CAMTA1: variants seen among roughly 807,000 people sequenced by gnomAD.
The protein encoded by CAMTA1 is calmodulin binding transcription activator 1, also known as calmodulin-binding transcription activator 1.
A neutral mutation model predicts 170.9 loss-of-function variants in CAMTA1; 27 were observed. That is an observed-to-expected ratio of 0.16 (90% CI 0.12 to 0.22). The LOEUF (loss-of-function observed/expected upper bound fraction) is 0.22. CAMTA1 is among the 10% of genes least tolerant of loss of function. The pLI, the probability that CAMTA1 is intolerant of heterozygous loss-of-function variation, is 1.00. For synonymous variants in CAMTA1, 833 were observed against 891.5 expected (o/e 0.93, Z 1.17); for missense variants, 1,619 against 2,217.2 (o/e 0.73, Z 5.42).
At chr1:7,716,357 A>G (rs989368006) in intron 11 of CAMTA1, among the ~76,000 whole-genome samples, 3 of 152,178 alleles carry the variant, frequency 2.0e-5, no homozygotes, top group African/African-American at 7.2e-5. Context: ...TTTATCCATT[A>G]GGACCTATTT....
intron 6 of CAMTA1, among the ~76,000 whole-genome samples, chr1:7,589,041 T>C (rs1360192284): frequency 1.3e-5 from 2 of 152,216 alleles, no homozygotes; most frequent in Admixed American, 6.5e-5. Flanking sequence ...TTTTAACTGC[T>C]TCCATTAGCA....
chr1:6,896,327 C>T (rs970771962), intron 3 of CAMTA1, among the ~76,000 whole-genome samples: 5 of 152,132 alleles, frequency 3.3e-5, no homozygotes, highest in African/African-American at 9.7e-5. Flanking sequence ...TCACCAGTGG[C>T]GATCTGCCTC....
In CAMTA1 at chr1:7,570,336, T is replaced by C. The variant is rs981801607; in HGVS notation, c.511-70064T>C. ...ACTGTAGGTCAATTACACTGTAACC[T>C]GAATTGGGGCCCTTTCAGAGAGGGC... On this transcript the variant is annotated intron_variant, in intron 6 of 22. Transcript: ENST00000303635. The surrounding 1 kb of genome is among the most constrained non-coding windows in gnomAD (Gnocchi z 4.3). Among the ~76,000 whole-genome samples the C allele has an allele frequency of 6.6e-6, 1 of 152,202 alleles. No individual in the cohort carries two copies. Among genetic ancestry groups the C allele is most frequent in the African/African-American group, 2.4e-5 (1 of 41,440 alleles).
intron 1 of CAMTA1, among the ~76,000 whole-genome samples, chr1:6,788,057 T>C (rs1569748496): frequency 6.6e-6 from 1 of 152,170 alleles, no homozygotes; most frequent in African/African-American, 2.4e-5. Flanking sequence ...CCTCGACGCT[T>C]CATGAGAGGA....
intron 1 of CAMTA1, among the ~76,000 whole-genome samples, chr1:6,792,032 C>T (rs1641253069): frequency 6.6e-6 from 1 of 151,838 alleles, no homozygotes; most frequent in African/African-American, 2.4e-5. Flanking sequence ...CCGCTCCCTG[C>T]AACCTCCGCC....
At chr1:7,498,662 A>G (rs1189679167) in intron 6 of CAMTA1, among the ~76,000 whole-genome samples, 3 of 152,090 alleles carry the variant, frequency 2.0e-5, no homozygotes, top group Non-Finnish European at 4.4e-5. Context: ...ATGTGGATGT[A>G]TGACTACATT....
chr1:7,464,113 G>T (rs189339074), intron 5 of CAMTA1, among the ~76,000 whole-genome samples: 1 of 152,174 alleles, frequency 6.6e-6, no homozygotes, highest in Non-Finnish European at 1.5e-5. Flanking sequence ...CTGATTCAAA[G>T]GTTGCTTTCA....
rs188678882 is a variant in CAMTA1 at position 7,307,508 on chromosome 1, A to G, written c.438+57882A>G. Reference sequence around the variant, plus strand: ...TTATGTGAGAATGGACAGTTTTGCCATGTTCCTGATATTAGAGGGAAAACA... The same window carrying G: ...TTATGTGAGAATGGACAGTTTTGCCGTGTTCCTGATATTAGAGGGAAAACA... On this transcript the variant is annotated intron_variant, in intron 5 of 22. Coordinates refer to ENST00000303635, the MANE Select transcript of CAMTA1 (RefSeq NM_015215.4). Among the ~76,000 whole-genome samples the G allele has an allele frequency of 2.0e-3, 311 of 152,090 alleles. 2 individuals carry two copies. Among genetic ancestry groups the G allele is most frequent in the South Asian group, 7.5e-3 (36 of 4,826 alleles).
chr1:7,255,015 TA>T (rs1236937586), intron 5 of CAMTA1, among the ~76,000 whole-genome samples: 3 of 152,232 alleles, frequency 2.0e-5, no homozygotes, highest in South Asian at 2.1e-4. Flanking sequence ...CTACTTTTAG[TA>T]AAAAATCATG....
At chr1:7,611,624 C>T (rs1460283996) in intron 6 of CAMTA1, among the ~76,000 whole-genome samples, 1 of 152,238 alleles carries the variant, frequency 6.6e-6, no homozygotes, top group Non-Finnish European at 1.5e-5. Context: ...AGCTTGCCAA[C>T]AAGAGTCTGA....
At chr1:7,434,877 C>CAAAAA (rs779722434) in intron 5 of CAMTA1, among the ~76,000 whole-genome samples, 2 of 83,476 alleles carry the variant, frequency 2.4e-5, no homozygotes, top group African/African-American at 8.4e-5. Context: ...CCTGTCTCTA[C>CAAAAA]AAAAAAAAAA....
intron 5 of CAMTA1, among the ~76,000 whole-genome samples, chr1:7,391,122 C>G (rs1407062643): frequency 6.6e-6 from 1 of 152,126 alleles, no homozygotes; most frequent in Admixed American, 6.5e-5. Context: ...CTCAGCCTCC[C>G]GAGTAGCCGG....
intron 6 of CAMTA1, among the ~76,000 whole-genome samples, chr1:7,617,787 C>T (rs995022124): frequency 4.7e-5 from 7 of 150,200 alleles, no homozygotes; most frequent in African/African-American, 9.8e-5. Flanking sequence ...CTTGGGTCCC[C>T]GATCTTCTTG....
intron 1 of CAMTA1, among the ~76,000 whole-genome samples, chr1:6,786,811 G>A (rs184575023): frequency 3.3e-5 from 5 of 152,278 alleles, no homozygotes; most frequent in Non-Finnish European, 5.9e-5. Context: ...CCAATAAGAT[G>A]TAGGGCAGGG....
chr1:6,963,302 C>T (rs11579346), intron 3 of CAMTA1, among the ~76,000 whole-genome samples: 17,818 of 89,336 alleles, frequency 0.2, 2,460 homozygotes, highest in Non-Finnish European at 0.28. Flanking sequence ...TCCATCCCGG[C>T]CTTGCCCTGT....
chr1:6,997,970 A>G (rs1423877250), intron 3 of CAMTA1, among the ~76,000 whole-genome samples: 1 of 151,440 alleles, frequency 6.6e-6, no homozygotes, highest in African/African-American at 2.4e-5. Context: ...CCTTTCATTT[A>G]TTACAAATTT....
Position 7,093,810 on chromosome 1 carries a change from C to CTCCG in CAMTA1, c.302+2442_302+2445dup, listed in dbSNP as rs1370576027. The stretch of plus-strand genomic sequence containing the variant: ...GGTCAAGTCCGGGTTTGAGTCCTGG[C>CTCCG]TCCGTCACTCAGTGGCTTTGCGACT... On this transcript the variant is annotated intron_variant, in intron 4 of 22. Coordinates refer to ENST00000303635, the MANE Select transcript of CAMTA1 (RefSeq NM_015215.4). The surrounding 1 kb of genome is among the most constrained non-coding windows in gnomAD (Gnocchi z 4.6). 4.6e-5 allele frequency among the ~76,000 whole-genome samples: 7 copies of CTCCG among 152,170 alleles called. No homozygotes were observed. The highest frequency in any genetic ancestry group is 1.7e-4 in the African/African-American group (7 of 41,440).
chr1:7,372,439 G>A (rs2086542413), intron 5 of CAMTA1, among the ~76,000 whole-genome samples: 1 of 152,176 alleles, frequency 6.6e-6, no homozygotes, highest in Non-Finnish European at 1.5e-5. Flanking sequence ...AAGCTCAAAA[G>A]TATCCACATC....
At chr1:7,718,257 G>A (rs908556875) in intron 11 of CAMTA1, among the ~76,000 whole-genome samples, 2 of 152,062 alleles carry the variant, frequency 1.3e-5, no homozygotes, top group African/African-American at 2.4e-5. Context: ...CACAGTGGGC[G>A]TTCCGTAAAC....
Sources: gnomAD v4.1 joint callset for allele counts (sites outside exome capture counted in the v4.1 genomes callset) on GRCh38, gnomAD v4.1.1 for gene constraint, Gnocchi (gnomAD v3.1) non-coding constraint, MANE v1.5 for transcripts, NCBI Gene and HGNC (gene_info 2026-07-23, HGNC 2026-07-21) for gene names.